ANKRD62: variants seen among roughly 807,000 people sequenced by gnomAD.
The protein encoded by ANKRD62 is ankyrin repeat domain-containing protein 62.
Under a neutral mutation model 98.8 loss-of-function variants are expected in ANKRD62, and 61 were observed. The observed-to-expected ratio is 0.62, with a 90% CI of 0.50 to 0.76. The LOEUF (loss-of-function observed/expected upper bound fraction) is 0.76, where lower values mean the gene tolerates loss of function less well. ANKRD62 is among the 30% of genes least tolerant of loss of function. The probability of loss-of-function intolerance (pLI) is 0.00; values close to 1 mark genes in which losing one functional copy is unlikely to be tolerated. For synonymous variants in ANKRD62, 341 were observed against 367.9 expected, an observed-to-expected ratio of 0.93 and a Z score of 0.84; for missense variants, 933 against 1,082.9, an observed-to-expected ratio of 0.86 and a Z score of 1.94.
chr18:12,161,027 T>C, the ANKRD62 span, among the ~76,000 whole-genome samples: 1 of 152,120 alleles, frequency 6.6e-6, no homozygotes, highest in Non-Finnish European at 1.5e-5. Flanking sequence ...AGTGATTCTA[T>C]TTGGTAGAAA....
the ANKRD62 span, among the ~76,000 whole-genome samples, chr18:12,153,282 A>G: frequency 0.015 from 2,270 of 152,256 alleles, 23 homozygotes; most frequent in Admixed American, 0.026. Flanking sequence ...ACTACTAATG[A>G]TATTCTTTGC....
At position 12,094,004 on chromosome 18, in the gene ANKRD62, T is replaced by A. The variant is rs1294744993; in HGVS notation, c.-14T>A. On this transcript the variant is annotated 5_prime_UTR_variant, in exon 1 of 14. Transcript: ENST00000587848. ...AGCCGTTCCTCAGCCTGGGAGAAGA[T>A]CTCTGGCTTCAGGATGGAGGTCAGG... The A allele has an allele frequency of 1.3e-6, 2 of 1,534,498 alleles. No individual in the cohort carries two copies. The highest frequency in any genetic ancestry group is 3.9e-5 in the Admixed American group (2 of 50,972).
chr18:12,105,710 T>C (rs1041821690), intron 7 of ANKRD62, among the ~76,000 whole-genome samples: 5 of 95,510 alleles, frequency 5.2e-5, no homozygotes, highest in Non-Finnish European at 1.0e-4. Context: ...TGCATAGAAA[T>C]AGGCTGTTTC....
At chr18:12,177,443 G>A in the ANKRD62 span, among the ~76,000 whole-genome samples, 2 of 152,196 alleles carry the variant, frequency 1.3e-5, no homozygotes, top group East Asian at 1.9e-4. Flanking sequence ...CTGGGCATGG[G>A]CAATAGTGAG....
At chr18:12,175,260 A>C in the ANKRD62 span, among the ~76,000 whole-genome samples, 1 of 152,082 alleles carries the variant, frequency 6.6e-6, no homozygotes, top group Admixed American at 6.5e-5. Flanking sequence ...CTCTGTACCT[A>C]GTTTCACTCC....
intron 3 of ANKRD62, 30 bp from the exon 4 acceptor site, chr18:12,096,166 G>C (rs1233758625): frequency 7.2e-7 from 1 of 1,397,392 alleles, no homozygotes; most frequent in South Asian, 1.3e-5. Flanking sequence ...GTAATTTTGT[G>C]AATTATAAAT....
the ANKRD62 span, among the ~76,000 whole-genome samples, chr18:12,167,086 G>A: frequency 2.0e-5 from 3 of 151,772 alleles, no homozygotes; most frequent in Non-Finnish European, 4.4e-5. Flanking sequence ...GCATTCCACG[G>A]TGTACATGTG....
the ANKRD62 span, among the ~76,000 whole-genome samples, chr18:12,151,197 T>C: frequency 6.6e-6 from 1 of 152,116 alleles, no homozygotes; most frequent in Non-Finnish European, 1.5e-5. Context: ...AAGAAGGGCA[T>C]TAAATAATGG....
the ANKRD62 span, among the ~76,000 whole-genome samples, chr18:12,174,446 T>C: frequency 6.6e-6 from 1 of 152,236 alleles, no homozygotes; most frequent in South Asian, 2.1e-4. Flanking sequence ...TTCAACATAC[T>C]CCCGTAGCTC....
the ANKRD62 span, among the ~76,000 whole-genome samples, chr18:12,166,571 C>T: frequency 6.6e-6 from 1 of 151,980 alleles, no homozygotes; most frequent in Admixed American, 6.6e-5. Flanking sequence ...TCGAAACACC[C>T]ACTTTGAATT....
intron 6 of ANKRD62, among the ~76,000 whole-genome samples, chr18:12,100,488 G>A (rs1422546332): frequency 6.6e-6 from 1 of 152,130 alleles, no homozygotes; most frequent in Admixed American, 6.5e-5. Context: ...TCAAACCTGT[G>A]TTGTTCAGAG....
In ANKRD62 at chr18:12,117,389, A is replaced by G. The variant is rs542015941; in HGVS notation, c.1240+1855A>G. ...CACAGGTTAGAGTTTACGTAAACCT[A>G]TTGTGTGGTCATGGTTGTGTACAAA... On this transcript the variant is annotated intron_variant, in intron 10 of 13. Coordinates refer to ENST00000587848, the MANE Select transcript of ANKRD62 (RefSeq NM_001277333.2). Among the ~76,000 whole-genome samples the G allele has an allele frequency of 2.0e-5, 3 of 152,292 alleles. No individual in the cohort carries two copies. In the East Asian group the frequency reaches 5.8e-4, roughly 29 times the overall value.
chr18:12,114,681 A>G (rs1468144200), intron 8 of ANKRD62, among the ~76,000 whole-genome samples: 2 of 152,208 alleles, frequency 1.3e-5, no homozygotes, highest in East Asian at 3.8e-4. Flanking sequence ...GTTATCATTA[A>G]AAAAGGGATT....
chr18:12,160,494 G>A, the ANKRD62 span, among the ~76,000 whole-genome samples: 1 of 152,024 alleles, frequency 6.6e-6, no homozygotes, highest in Non-Finnish European at 1.5e-5. Flanking sequence ...AATCAACAGG[G>A]GGCAAGTAGT....
chr18:12,103,163 G>A lies in ANKRD62; in HGVS notation c.826G>A (p.Asp276Asn). 5 of 1,384,810 alleles carry A rather than the reference G, an allele frequency of 3.6e-6. No homozygotes were observed. The highest frequency in any genetic ancestry group is 4.7e-6 in the Non-Finnish European group (5 of 1,060,228). 85.8% of individuals were successfully genotyped at this position (1,384,810 alleles called of 1,614,324 possible). A position where few individuals can be genotyped will look rare whatever the true frequency, so the allele number is the denominator to read the frequency against. Residue 276 changes from aspartate to asparagine, a missense_variant, in exon 7 of 14, where the codon GAC becomes AAC. Asp to Asn is a conservative substitution (Grantham distance 23). This residue lies in a region of ANKRD62 where 549 missense variants were observed against 587.9 expected (regional missense o/e 0.93). Coordinates refer to ENST00000587848, the MANE Select transcript of ANKRD62 (RefSeq NM_001277333.2). ...ATATATGGATTTGTGAGCAGAACAA[G>A]ACTTAGAAATGACATCAGAGGGAGA... ...KSLQNSNSEQ[D>N]LEMTSEGEQE... is the part of the protein sequence containing the mutation.
chr18:12,125,757 A>T lies in ANKRD62; in HGVS notation c.1936A>T (p.Met646Leu). The T allele has an allele frequency of 6.5e-7, 1 of 1,547,240 alleles. No individual in the cohort carries two copies. The highest frequency in any genetic ancestry group is 1.7e-4 in the Middle Eastern group (1 of 5,992). The change falls in exon 13 of 14, where the codon ATG becomes TTG. Residue 646 changes from methionine (M) to leucine (L), a missense_variant. This residue lies in a region of ANKRD62 where 362 missense variants were observed against 434.5 expected (regional missense o/e 0.83). Transcript: ENST00000587848. Reference sequence around the variant, plus strand: ...TGAGCTACAGAAGGAAAAACAAAGCATGTCAAGACTGGAAACAGAAATGGA... The same window carrying T: ...TGAGCTACAGAAGGAAAAACAAAGCTTGTCAAGACTGGAAACAGAAATGGA... ...NSELQKEKQS[M>L]SRLETEMESY...
chr18:12,102,308 G>A, intron 6 of ANKRD62: 1 of 718,036 alleles, frequency 1.4e-6, no homozygotes, highest in South Asian at 1.4e-5. Context: ...AACCAGAATG[G>A]TGGCTTGGTG....
At chr18:12,135,220 G>C in the ANKRD62 span, among the ~76,000 whole-genome samples, 16 of 119,498 alleles carry the variant, frequency 1.3e-4, no homozygotes, top group African/African-American at 5.6e-4. Flanking sequence ...AGTCCCCAGA[G>C]TGTGATGTTC....
chr18:12,137,934 C>T, the ANKRD62 span, among the ~76,000 whole-genome samples: 2 of 152,040 alleles, frequency 1.3e-5, no homozygotes, highest in African/African-American at 2.4e-5. Flanking sequence ...ATTCTTCTGT[C>T]TTTTCTTCTT....
Sources: allele counts gnomAD v4.1 joint callset (sites outside exome capture counted in the v4.1 genomes callset), GRCh38; gene constraint gnomAD v4.1.1; regional missense constraint gnomAD v4.1.1; transcripts MANE v1.5; gene names NCBI Gene and HGNC (gene_info 2026-07-23, HGNC 2026-07-21).